AK4: variants seen among roughly 807,000 people sequenced by gnomAD.
AK4 encodes the protein adenylate kinase 4, mitochondrial.
AK4 carries 13 observed loss-of-function variants against 24.6 expected under a neutral mutation model. The observed-to-expected ratio is 0.53, with a 90% CI of 0.34 to 0.84. The LOEUF (loss-of-function observed/expected upper bound fraction) is 0.84. AK4 is among the 40% of genes least tolerant of loss of function. The probability of loss-of-function intolerance (pLI) is 0.01; values close to 1 mark genes in which losing one functional copy is unlikely to be tolerated. For synonymous variants in AK4, 88 were observed against 107.0 expected, an observed-to-expected ratio of 0.82 and a Z score of 1.10; for missense variants, 192 against 288.2, an observed-to-expected ratio of 0.67 and a Z score of 2.42.
At chr1:65,158,270 T>A (rs1650042326) in intron 1 of AK4, among the ~76,000 whole-genome samples, 2 of 152,222 alleles carry the variant, frequency 1.3e-5, no homozygotes, top group African/African-American at 4.8e-5. Context: ...AGCTGTTAAC[T>A]ATAAATTCAC....
intron 2 of AK4, among the ~76,000 whole-genome samples, chr1:65,191,213 G>A (rs368182939): frequency 2.0e-5 from 3 of 152,092 alleles, no homozygotes; most frequent in Non-Finnish European, 4.4e-5. Flanking sequence ...ATAGAAGATC[G>A]GAAAATCCTT....
intron 1 of AK4, among the ~76,000 whole-genome samples, chr1:65,168,346 A>T (rs1266042670): frequency 6.6e-6 from 1 of 152,064 alleles, no homozygotes; most frequent in East Asian, 1.9e-4. Context: ...AGGTTTCACC[A>T]TGTTGGTAAG....
At position 65,207,362 on chromosome 1, in the gene AK4, T is replaced by C. The variant is rs180777235; in HGVS notation, c.266-11392T>C. On this transcript the variant is annotated intron_variant, in intron 2 of 4. Coordinates refer to ENST00000327299, the MANE Select transcript of AK4 (RefSeq NM_013410.4). The stretch of plus-strand genomic sequence containing the variant: ...TTTGGGGTCTTTTTCTATTAACCTA[T>C]AAGCTTCCTGAGGGCAGGACCCACT... Among the ~76,000 whole-genome samples the C allele has an allele frequency of 1.8e-3, 274 of 152,096 alleles. 1 individual carries two copies. Among genetic ancestry groups the C allele is most frequent in the Non-Finnish European group, 1.2e-3 (82 of 67,994 alleles).
chr1:65,214,909 C>T (rs543951645), intron 2 of AK4, among the ~76,000 whole-genome samples: 2 of 152,188 alleles, frequency 1.3e-5, no homozygotes, highest in African/African-American at 2.4e-5. Flanking sequence ...GAGATAGAGG[C>T]GACTTGTTCT....
At chr1:65,188,680 G>A (rs556600851) in intron 1 of AK4, among the ~76,000 whole-genome samples, 2 of 151,618 alleles carry the variant, frequency 1.3e-5, no homozygotes, top group African/African-American at 4.8e-5. Context: ...GGGTTTCACC[G>A]TGTTAGCCAG....
intron 1 of AK4, among the ~76,000 whole-genome samples, chr1:65,165,388 G>A (rs1156737749): frequency 1.3e-5 from 2 of 151,992 alleles, no homozygotes; most frequent in Non-Finnish European, 2.9e-5. Flanking sequence ...TTAAAATTAA[G>A]GGAACTTTGT....
chr1:65,190,103 C>T (rs1199352632), intron 1 of AK4, among the ~76,000 whole-genome samples: 1 of 152,148 alleles, frequency 6.6e-6, no homozygotes, highest in Non-Finnish European at 1.5e-5. Context: ...AGGCTCAGTG[C>T]CCAATTTGTG....
intron 2 of AK4, among the ~76,000 whole-genome samples, chr1:65,191,081 C>T (rs1455835451): frequency 6.6e-6 from 1 of 152,164 alleles, no homozygotes; most frequent in African/African-American, 2.4e-5. Flanking sequence ...TTGCTTCAGC[C>T]CTTTTGTTTC....
At chr1:65,158,956 T>A (rs1451453921) in intron 1 of AK4, among the ~76,000 whole-genome samples, 1 of 152,224 alleles carries the variant, frequency 6.6e-6, no homozygotes, top group Admixed American at 6.5e-5. Flanking sequence ...CTTCATGTAG[T>A]TGAATTTAAA....
intron 2 of AK4, among the ~76,000 whole-genome samples, chr1:65,202,498 T>C (rs1557460736): frequency 6.6e-6 from 1 of 152,222 alleles, no homozygotes; most frequent in Non-Finnish European, 1.5e-5. Context: ...TTTGGGTGTG[T>C]CTTGACTTAC....
chr1:65,209,031 T>G (rs1006195370), intron 2 of AK4, among the ~76,000 whole-genome samples: 1 of 152,188 alleles, frequency 6.6e-6, no homozygotes, highest in Non-Finnish European at 1.5e-5. Flanking sequence ...GATGTCATAA[T>G]TAGTGATATA....
At chr1:65,172,970 C>A (rs1570087575) in intron 1 of AK4, among the ~76,000 whole-genome samples, 1 of 147,496 alleles carries the variant, frequency 6.8e-6, no homozygotes, top group African/African-American at 2.5e-5. Context: ...TCAAGCGATT[C>A]TCCTGTCTCA....
intron 3 of AK4, among the ~76,000 whole-genome samples, chr1:65,220,566 C>A (rs1298354971): frequency 6.6e-6 from 1 of 152,184 alleles, no homozygotes; most frequent in Non-Finnish European, 1.5e-5. Flanking sequence ...ACGTCCGCCT[C>A]CTGGGTTCAA....
intron 3 of AK4, among the ~76,000 whole-genome samples, chr1:65,219,873 A>G (rs74422089): frequency 0.025 from 3,801 of 152,312 alleles, 89 homozygotes; most frequent in African/African-American, 0.066. Flanking sequence ...CTTATAATTT[A>G]TATTTCCTGT....
chr1:65,167,055 C>T (rs767568842), intron 1 of AK4, among the ~76,000 whole-genome samples: 1 of 152,164 alleles, frequency 6.6e-6, no homozygotes, highest in Non-Finnish European at 1.5e-5. Context: ...TCACTTGAAC[C>T]TGAAAGGCGG....
chr1:65,185,435 G>C (rs938306627), intron 1 of AK4, among the ~76,000 whole-genome samples: 1 of 152,034 alleles, frequency 6.6e-6, no homozygotes, highest in African/African-American at 2.4e-5. Flanking sequence ...ATCTCTTAGT[G>C]GTGGGCTTTT....
At chr1:65,209,161 G>A (rs1348999335) in intron 2 of AK4, among the ~76,000 whole-genome samples, 1 of 152,184 alleles carries the variant, frequency 6.6e-6, no homozygotes, top group Non-Finnish European at 1.5e-5. Flanking sequence ...GAGGGATAGC[G>A]ATAGTCTGGT....
intron 1 of AK4, among the ~76,000 whole-genome samples, chr1:65,176,779 A>G (rs1012267015): frequency 1.3e-5 from 2 of 152,146 alleles, no homozygotes; most frequent in African/African-American, 4.8e-5. Context: ...GTGGGCAGTG[A>G]GCTGAAAGCA....
intron 1 of AK4, among the ~76,000 whole-genome samples, chr1:65,172,813 T>C (rs1650582195): frequency 6.6e-6 from 1 of 152,060 alleles, no homozygotes; most frequent in Non-Finnish European, 1.5e-5. Flanking sequence ...CTTCTCTTCT[T>C]CTTCGCTATT....
Sources: allele counts gnomAD v4.1 joint callset (sites outside exome capture counted in the v4.1 genomes callset), GRCh38; gene constraint gnomAD v4.1.1; transcripts MANE v1.5; gene names NCBI Gene and HGNC (gene_info 2026-07-23, HGNC 2026-07-21).